Variants in AGAP9 observed in about 807,000 individuals in gnomAD.
AGAP9 encodes the protein arf-GAP with GTPase, ANK repeat and PH domain-containing protein 9.
In AGAP9, 23 loss-of-function variants were observed where a neutral mutation model predicts 55.6. The observed-to-expected ratio is 0.41, with a 90% CI of 0.30 to 0.59. The LOEUF is 0.59. Among genes scored for constraint, AGAP9 ranks in the 20% least tolerant of loss-of-function variants. The probability of loss-of-function intolerance (pLI) is 0.25; values close to 1 mark genes in which losing one functional copy is unlikely to be tolerated. For synonymous variants in AGAP9, 120 were observed against 305.0 expected (o/e 0.39, Z 6.32); for missense variants, 309 against 808.1 (o/e 0.38, Z 7.49).
Position 47,502,398 on chromosome 10 carries a change from C to G in AGAP9, c.1731G>C (p.Leu577=), listed in dbSNP as rs1262111479. 149 of 1,610,146 alleles carry G rather than the reference C, an allele frequency of 9.3e-5. 1 individual carries two copies. In the Admixed American group the frequency reaches 2.5e-3, roughly 27 times the overall value. ...IRSKYEEKLF[L]APLPCTELSL... is the part of the protein sequence containing the mutation. The stretch of plus-strand genomic sequence containing the variant: ...ACAGCTCAGTGCAGGGTAGTGGGGC[C>G]AGAAAGAGCTTCTCCTCATATTTGG... The change falls in exon 8 of 8, where the codon CTG becomes CTC. Residue 577 remains leucine, a synonymous_variant. Transcript: ENST00000452145.
At chr10:47,516,349 TG>T (rs1588952006) in intron 4 of AGAP9, among the ~76,000 whole-genome samples, 1 of 95,420 alleles carries the variant, frequency 1.0e-5, no homozygotes, top group African/African-American at 4.4e-5. Context: ...AAAACCTGGT[TG>T]TAAATAACAT....
intron 4 of AGAP9, among the ~76,000 whole-genome samples, chr10:47,511,414 G>C (rs2132485454): frequency 7.3e-6 from 1 of 136,544 alleles, no homozygotes; most frequent in African/African-American, 2.7e-5. Context: ...GGGGCTCTGT[G>C]TGCCAGGGCT....
At chr10:47,504,834 G>T (rs60259401) in intron 6 of AGAP9, among the ~76,000 whole-genome samples, 1 of 130,758 alleles carries the variant, frequency 7.6e-6, no homozygotes, top group Admixed American at 7.9e-5. Context: ...GGCCTAAGAG[G>T]TCATAACTGT....
chr10:47,506,546 T>G (rs1360415528), intron 6 of AGAP9, among the ~76,000 whole-genome samples: 1 of 141,676 alleles, frequency 7.1e-6, no homozygotes, highest in East Asian at 2.9e-4. Context: ...GTCGGGCTGG[T>G]CTCAAACTCC....
chr10:47,504,985 T>C, intron 6 of AGAP9, among the ~76,000 whole-genome samples: 1 of 144,512 alleles, frequency 6.9e-6, no homozygotes, highest in Non-Finnish European at 1.5e-5. Flanking sequence ...GCCTCCCAAG[T>C]AGCAGGGATT....
Position 47,503,708 on chromosome 10 carries a change from G to A in AGAP9, c.586-165C>T, listed in dbSNP as rs1291365370. Among the ~76,000 whole-genome samples, 3 of 125,302 alleles carry A rather than the reference G, an allele frequency of 2.4e-5. 1 individual carries two copies. Among genetic ancestry groups the A allele is most frequent in the African/African-American group, 6.8e-5 (2 of 29,210 alleles). 82.2% of individuals were successfully genotyped at this position (125,302 alleles called of 152,430 possible). ...TGGGAGGCCAAGGTGGGTGGATCAC[G>A]AGGTCAGGAGTTCAAGACCATCCTG... is the stretch of plus-strand genomic sequence containing the variant. On this transcript the variant is annotated intron_variant, in intron 7 of 7. Coordinates refer to ENST00000452145, the MANE Select transcript of AGAP9 (RefSeq NM_001190810.1).
At chr10:47,504,843 GTTCTTTT>G (rs1840443129) in intron 6 of AGAP9, among the ~76,000 whole-genome samples, 1 of 92,188 alleles carries the variant, frequency 1.1e-5, no homozygotes, top group African/African-American at 4.0e-5. Context: ...GGTCATAACT[GTTCTTTT>G]TTTTTTTTTT....
At chr10:47,519,303 A>G (rs1368419482) in intron 3 of AGAP9, among the ~76,000 whole-genome samples, 18 of 115,366 alleles carry the variant, frequency 1.6e-4, no homozygotes, top group African/African-American at 6.4e-4. Flanking sequence ...CCCTGTCTCT[A>G]CCAAAAATAC....
rs1298339297 is a variant in AGAP9, at chr10:47,522,037, A to G, written c.292+829T>C. Among the ~76,000 whole-genome samples, 42 of 150,780 alleles carry G rather than the reference A, an allele frequency of 2.8e-4. No individual in the cohort carries two copies. In the Middle Eastern group the frequency reaches 0.014, roughly 49 times the overall value. On this transcript the variant is annotated intron_variant, in intron 2 of 7. Coordinates refer to ENST00000452145, the MANE Select transcript of AGAP9 (RefSeq NM_001190810.1). ...CCTGACCTCAGGTGATCCGCCTGCC[A>G]CAGCCTCCCAAAGTGCTGGGATTAC...
intron 5 of AGAP9, among the ~76,000 whole-genome samples, chr10:47,508,160 G>A (rs1840522699): frequency 4.0e-5 from 4 of 99,864 alleles, no homozygotes; most frequent in African/African-American, 1.5e-4. Flanking sequence ...TGCCTCCCGG[G>A]TTCAAGAGAT....
intron 6 of AGAP9, among the ~76,000 whole-genome samples, chr10:47,504,846 CTTTTTTTTTTTT>C (rs59529030): frequency 3.8e-4 from 18 of 46,834 alleles, no homozygotes; most frequent in East Asian, 1.1e-3. Context: ...CATAACTGTT[CTTTTTTTTTTTT>C]TTTTTTTTTT....
chr10:47,504,887 A>T (rs1303492131), intron 6 of AGAP9, among the ~76,000 whole-genome samples: 4 of 88,068 alleles, frequency 4.5e-5, no homozygotes, highest in Admixed American at 3.4e-4. Context: ...ACCAAGTTTT[A>T]CTCTTGTTGC....
intron 4 of AGAP9, among the ~76,000 whole-genome samples, chr10:47,516,033 T>C (rs4013057): frequency 7.8e-6 from 1 of 127,742 alleles, no homozygotes; most frequent in African/African-American, 3.0e-5. Flanking sequence ...TCAAAAAATA[T>C]AAAATTCAAT....
chr10:47,510,783 T>C, intron 4 of AGAP9, among the ~76,000 whole-genome samples: 1 of 100,044 alleles, frequency 1.0e-5, no homozygotes, highest in Non-Finnish European at 1.8e-5. Flanking sequence ...TGAGCCGAGT[T>C]CGCGCCACTG....
chr10:47,520,947 G>A (rs1840815613), intron 2 of AGAP9, among the ~76,000 whole-genome samples: 1 of 120,584 alleles, frequency 8.3e-6, no homozygotes, highest in African/African-American at 3.7e-5. Flanking sequence ...TTAAAAGACA[G>A]TCTATTTTAT....
chr10:47,504,877 A>T, intron 6 of AGAP9, among the ~76,000 whole-genome samples: 1 of 111,548 alleles, frequency 9.0e-6, no homozygotes, highest in East Asian at 3.1e-4. Flanking sequence ...TTTTTTTGAG[A>T]CCAAGTTTTA....
chr10:47,501,965 A>C lies in AGAP9; in HGVS notation c.*187T>G, dbSNP rs1470460077. The C allele has an allele frequency of 8.5e-7, 1 of 1,173,522 alleles. No individual in the cohort carries two copies. The highest frequency in any genetic ancestry group is 1.6e-5 in the African/African-American group (1 of 63,888). The allele number at this position is 1,173,522 out of a possible 1,614,324, so 72.7% of individuals were successfully genotyped here. On this transcript the variant is annotated 3_prime_UTR_variant, in exon 8 of 8. Coordinates refer to ENST00000452145, the MANE Select transcript of AGAP9 (RefSeq NM_001190810.1). ...TTTACTTAGTTTACGAAAAGTACTG[A>C]AAATGCTATTACTAGCTGAATTTGT... is the stretch of plus-strand genomic sequence containing the variant.
chr10:47,521,953 G>GT (rs1403117522), intron 2 of AGAP9, among the ~76,000 whole-genome samples: 22 of 150,530 alleles, frequency 1.5e-4, no homozygotes, highest in African/African-American at 5.2e-4. Flanking sequence ...GCTAATTTTT[G>GT]TATTTTCTTT....
At position 47,502,568 on chromosome 10, in the gene AGAP9, G is replaced by C; in HGVS notation, c.1561C>G (p.Leu521Val). The C allele has an allele frequency of 6.2e-7, 1 of 1,610,936 alleles. No homozygotes were observed. Among genetic ancestry groups the C allele is most frequent in the Non-Finnish European group, 8.5e-7 (1 of 1,179,476 alleles). ...TRLSRVRSLE[L>V]DDWPVELRKV... ...CTGAGCTCAACTGGCCAGTCATCCA[G>C]CTCCAGAGATCGCACACGGGAAAGG... The change falls in exon 8 of 8, where the codon CTG becomes GTG. Residue 521 changes from leucine to valine, a missense_variant. Transcript: ENST00000452145.
Sources: allele counts gnomAD v4.1 joint callset (sites outside exome capture counted in the v4.1 genomes callset), GRCh38; gene constraint gnomAD v4.1.1; transcripts MANE v1.5; gene names NCBI Gene and HGNC (gene_info 2026-07-23, HGNC 2026-07-21).